Variants in TRIT1 observed in about 807,000 individuals in gnomAD.
TRIT1 encodes tRNA isopentenyltransferase 1, also known as tRNA dimethylallyltransferase.
In TRIT1, 43 loss-of-function variants were observed where a neutral mutation model predicts 51.2. The observed-to-expected ratio is 0.84, with a 90% CI of 0.66 to 1.08. The LOEUF (loss-of-function observed/expected upper bound fraction) is 1.08, where lower values mean the gene tolerates loss of function less well. TRIT1 is among the 50% of genes least tolerant of loss of function. TRIT1 has a pLI of 0.00. For synonymous variants in TRIT1, 184 were observed against 203.9 expected, an observed-to-expected ratio of 0.90 and a Z score of 0.83; for missense variants, 528 against 578.4, an observed-to-expected ratio of 0.91 and a Z score of 0.89.
intron 1 of TRIT1, among the ~76,000 whole-genome samples, chr1:39,879,872 CAA>C (rs11406062): frequency 0.24 from 11,690 of 48,172 alleles, 468 homozygotes; most frequent in Non-Finnish European, 0.32. Context: ...AACTCCATCT[CAA>C]AAAAAAAAAA....
rs76706459 is a variant in TRIT1 at position 39,852,932 on chromosome 1, T to C, written c.415-56A>G. 1,105 of 1,560,372 alleles carry C rather than the reference T, an allele frequency of 7.1e-4. 8 individuals are homozygous for C. The African/African-American group carries it at 0.013, about 19-fold the overall frequency. On this transcript the variant is annotated intron_variant, in intron 3 of 10. Coordinates refer to ENST00000316891, the MANE Select transcript of TRIT1 (RefSeq NM_017646.6). ...ATTCAACCAACACTGAGACAGTGTA[T>C]GTGCCAGGCACTTTGCTAACTGTCA...
chr1:39,859,667 CTT>C (rs574552948), intron 1 of TRIT1, among the ~76,000 whole-genome samples: 166 of 152,076 alleles, frequency 1.1e-3, no homozygotes, highest in African/African-American at 3.9e-3. Context: ...CTCTCTCTCT[CTT>C]TTTCTCACAG....
At chr1:39,871,266 T>C (rs974766239) in intron 1 of TRIT1, among the ~76,000 whole-genome samples, 6 of 152,002 alleles carry the variant, frequency 3.9e-5, no homozygotes, top group South Asian at 2.1e-4. Flanking sequence ...ATAAAGAGCA[T>C]TGGACGCATG....
chr1:39,863,247 T>C (rs1643349499), intron 1 of TRIT1, among the ~76,000 whole-genome samples: 1 of 152,196 alleles, frequency 6.6e-6, no homozygotes, highest in Non-Finnish European at 1.5e-5. Context: ...GGAGGATCAC[T>C]TGAGACCAGG....
At chr1:39,874,779 C>A (rs1001270435) in intron 1 of TRIT1, among the ~76,000 whole-genome samples, 16 of 151,858 alleles carry the variant, frequency 1.1e-4, no homozygotes, top group African/African-American at 3.9e-4. Context: ...GATTCTCCTG[C>A]CTTAGTCTCC....
At chr1:39,868,689 A>C (rs1643689886) in intron 1 of TRIT1, among the ~76,000 whole-genome samples, 1 of 151,740 alleles carries the variant, frequency 6.6e-6, no homozygotes, top group Non-Finnish European at 1.5e-5. Context: ...ATAAGAAAAC[A>C]ACCCCACTCC....
chr1:39,848,548 G>A (rs1041837809), intron 5 of TRIT1, among the ~76,000 whole-genome samples: 3 of 150,858 alleles, frequency 2.0e-5, no homozygotes, highest in South Asian at 2.1e-4. Context: ...AGATACGGCC[G>A]GGCAAGGTGG....
rs1440635436 is a variant in TRIT1 at position 39,883,426 on chromosome 1, G to A, written c.66C>T (p.Thr22=). 2 of 1,613,644 alleles carry A rather than the reference G, an allele frequency of 1.2e-6. No individual in the cohort carries two copies. The highest frequency in any genetic ancestry group is 1.1e-5 in the South Asian group (1 of 91,070). Residue 22 remains threonine, a synonymous_variant, in exon 1 of 11, where the codon ACC becomes ACT. Coordinates refer to ENST00000316891, the MANE Select transcript of TRIT1 (RefSeq NM_017646.6). ...CCCCGAGAATCACTACAAGAGGTAG[G>A]GTCCGTTGCAGGCCCCTGAGCCCAC... ...VGSGLRGLQR[T]LPLVVILGAT...
chr1:39,843,537 T>C (rs1569957792), intron 10 of TRIT1, among the ~76,000 whole-genome samples: 2 of 152,314 alleles, frequency 1.3e-5, no homozygotes, highest in African/African-American at 4.8e-5. Context: ...TTTATACATG[T>C]GTGACAGGCT....
intron 2 of TRIT1, among the ~76,000 whole-genome samples, chr1:39,856,888 G>T (rs1375234811): frequency 1.3e-5 from 2 of 152,142 alleles, no homozygotes; most frequent in Non-Finnish European, 2.9e-5. Context: ...TGGTAAAAAA[G>T]GCAGTTCTAG....
chr1:39,862,245 G>A (rs1643292410), intron 1 of TRIT1, among the ~76,000 whole-genome samples: 2 of 151,146 alleles, frequency 1.3e-5, no homozygotes, highest in African/African-American at 2.4e-5. Flanking sequence ...TGTACTTAAT[G>A]CCACTGAAAT....
rs1454610378 is a variant in TRIT1, at chr1:39,852,764, T to G, written c.527A>C (p.Lys176Thr). 1 of 1,614,120 alleles carries G rather than the reference T, an allele frequency of 6.2e-7. No homozygotes were observed. Among genetic ancestry groups the G allele is most frequent in the Non-Finnish European group, 8.5e-7 (1 of 1,179,978 alleles). ...TTTGCGTTTGTCATGTGGATGCAGCTTGGCAGCCATTTCTGGGTCCACCTG... is the reference window on the plus strand; with the variant it reads ...TTTGCGTTTGTCATGTGGATGCAGCGTGGCAGCCATTTCTGGGTCCACCTG... ...LSQVDPEMAA[K>T]LHPHDKRKVA... The change falls in exon 4 of 11, where the codon AAG becomes ACG. Residue 176 changes from lysine (K) to threonine (T), a missense_variant. Physicochemically the swap from Lys to Thr is moderately conservative, Grantham distance 78 (BLOSUM62 -1). Transcript: ENST00000316891.
chr1:39,846,956 C>T (rs993025166), intron 8 of TRIT1: 7 of 341,170 alleles, frequency 2.1e-5, no homozygotes, highest in Admixed American at 4.6e-5. Flanking sequence ...AAAAAAGATG[C>T]TGCTGTTCTT....
rs1212694002 is a variant in TRIT1 at position 39,853,973 on chromosome 1, G to A, written c.411C>T (p.Thr137=). 2.1e-5 allele frequency: 34 copies of A among 1,606,660 alleles called. No homozygotes were observed. The Admixed American group carries it at 5.7e-4, about 27-fold the overall frequency. ...GTTACGAGTGAACTAAACTTACCTT[G>A]GTATTGACAAGAACTTTCCAGAGCA... ...ESLLWKVLVN[T]KPQEMGTEKV... is the part of the protein sequence containing the mutation. Residue 137 remains threonine, a synonymous_variant, in exon 3 of 11, where the codon ACC becomes ACT. Transcript: ENST00000316891.
chr1:39,851,109 A>G (rs1273906563), intron 4 of TRIT1, among the ~76,000 whole-genome samples: 3 of 152,170 alleles, frequency 2.0e-5, no homozygotes, highest in Non-Finnish European at 4.4e-5. Flanking sequence ...ACCCTAACGC[A>G]AGAGTGTAGA....
chr1:39,868,570 G>GAT (rs1388553637), intron 1 of TRIT1, among the ~76,000 whole-genome samples: 2 of 150,814 alleles, frequency 1.3e-5, no homozygotes, highest in African/African-American at 2.4e-5. Flanking sequence ...CTTGAACCCG[G>GAT]GAGGTGGAGG....
intron 5 of TRIT1, among the ~76,000 whole-genome samples, chr1:39,849,737 C>T (rs1191306048): frequency 6.6e-6 from 1 of 152,212 alleles, no homozygotes; most frequent in African/African-American, 2.4e-5. Context: ...AAAATACCAT[C>T]AGGCTAGCAA....
intron 1 of TRIT1, among the ~76,000 whole-genome samples, chr1:39,864,305 A>T (rs1643409046): frequency 6.6e-6 from 1 of 151,708 alleles, no homozygotes; most frequent in African/African-American, 2.4e-5. Flanking sequence ...TCAGCCCCAA[A>T]CACAAAGAAT....
chr1:39,843,296 C>T (rs1346574364), intron 10 of TRIT1, among the ~76,000 whole-genome samples: 3 of 152,150 alleles, frequency 2.0e-5, no homozygotes, highest in Non-Finnish European at 2.9e-5. Flanking sequence ...GCTGAGTAAA[C>T]GACAAGCCCC....
Sources: gnomAD v4.1 joint callset for allele counts (sites outside exome capture counted in the v4.1 genomes callset) on GRCh38, gnomAD v4.1.1 for gene constraint, MANE v1.5 for transcripts, NCBI Gene and HGNC (gene_info 2026-07-23, HGNC 2026-07-21) for gene names.